AFF2: variants seen among roughly 807,000 people sequenced by gnomAD.
AFF2 encodes the protein ALF transcription elongation factor 2.
AFF2 carries 14 observed loss-of-function variants against 76.9 expected under a neutral mutation model. The observed-to-expected ratio is 0.18, with a 90% confidence interval of 0.12 to 0.28. The LOEUF is 0.28. Ranked by LOEUF, AFF2 falls within the 10% of genes least tolerant of loss-of-function variation. The pLI is 1.00. For synonymous variants in AFF2, 398 were observed against 366.7 expected (o/e 1.09, Z -0.98); for missense variants, 868 against 1,001.1 (o/e 0.87, Z 1.79).
chrX:148,599,337 T>A (rs2124384179), intron 1 of AFF2, among the ~76,000 whole-genome samples: 1 of 112,242 alleles, frequency 8.9e-6, no homozygotes, highest in African/African-American at 3.2e-5. Flanking sequence ...TTCAGGAATT[T>A]TCCTTAACAT....
intron 1 of AFF2, among the ~76,000 whole-genome samples, chrX:148,641,707 T>G (rs2054091129): frequency 9.0e-6 from 1 of 111,002 alleles, no homozygotes; most frequent in Non-Finnish European, 1.9e-5. Flanking sequence ...ACCCCTGAAG[T>G]TTGAATGAAG....
chrX:148,747,242 G>A (rs1323359261), intron 3 of AFF2, among the ~76,000 whole-genome samples: 1 of 111,364 alleles, frequency 9.0e-6, no homozygotes, highest in Non-Finnish European at 1.9e-5. Context: ...TCAGAGCACT[G>A]CTCAAACATC....
chrX:148,979,377 A>G (rs2072365668), intron 18 of AFF2, among the ~76,000 whole-genome samples: 1 of 112,234 alleles, frequency 8.9e-6, no homozygotes. Context: ...CCATAATGCC[A>G]TAAGGCTAGT....
intron 1 of AFF2, among the ~76,000 whole-genome samples, chrX:148,618,894 T>G (rs1047995022): frequency 1.6e-4 from 18 of 110,980 alleles, no homozygotes; most frequent in African/African-American, 5.6e-4. Context: ...CCTTTTGTCT[T>G]GCTCATGACC....
At position 148,991,459 on chromosome X, in the gene AFF2, T is replaced by C; in HGVS notation, c.*127T>C. Reference sequence around the variant, plus strand: ...GGTTATGTTTGTTTTTATGCTTCTTTTGTTATCTGTAAAAAACAGAAGTCA... The same window carrying C: ...GGTTATGTTTGTTTTTATGCTTCTTCTGTTATCTGTAAAAAACAGAAGTCA... On this transcript the variant is annotated 3_prime_UTR_variant, in exon 21 of 21. Coordinates refer to ENST00000370460, the MANE Select transcript of AFF2 (RefSeq NM_002025.4). 1.2e-6 allele frequency: 1 copy of C among 830,088 alleles called. No homozygotes were observed. The highest frequency in any genetic ancestry group is 1.6e-6 in the Non-Finnish European group (1 of 620,489). 68.4% of individuals were successfully genotyped at this position (830,088 alleles called of 1,213,427 possible). A position where few individuals can be genotyped will look rare whatever the true frequency, so the allele number is the denominator to read the frequency against.
intron 1 of AFF2, among the ~76,000 whole-genome samples, chrX:148,555,185 G>A (rs1424699830): frequency 1.8e-5 from 2 of 111,989 alleles, no homozygotes; most frequent in Non-Finnish European, 3.8e-5. Context: ...ACACTCACAT[G>A]TTGTGTAAGC....
At chrX:148,657,039 T>C (rs1412422430) in intron 2 of AFF2, among the ~76,000 whole-genome samples, 11 of 111,621 alleles carry the variant, frequency 9.9e-5, no homozygotes, top group African/African-American at 3.6e-4. Context: ...ATCATAGTAA[T>C]TAATAAGAAT....
At chrX:148,663,268 G>T (rs2054326312) in intron 3 of AFF2, among the ~76,000 whole-genome samples, 1 of 111,929 alleles carries the variant, frequency 8.9e-6, no homozygotes, top group South Asian at 3.7e-4. Flanking sequence ...TTAGTTTCTT[G>T]AGTGATTACA....
At chrX:148,784,164 A>C (rs1557269305) in intron 3 of AFF2, among the ~76,000 whole-genome samples, 1 of 112,125 alleles carries the variant, frequency 8.9e-6, no homozygotes, top group Non-Finnish European at 1.9e-5. Flanking sequence ...AATGCCAGAG[A>C]ACTTGGAAGG....
chrX:148,885,035 A>G (rs1218074651), intron 7 of AFF2, among the ~76,000 whole-genome samples: 3 of 111,831 alleles, frequency 2.7e-5, no homozygotes, highest in African/African-American at 6.5e-5. Context: ...AGTTATATAT[A>G]ATAAATAAAA....
chrX:148,714,108 C>T (rs1246974553), intron 3 of AFF2, among the ~76,000 whole-genome samples: 2 of 112,096 alleles, frequency 1.8e-5, no homozygotes, highest in Non-Finnish European at 3.8e-5. Flanking sequence ...TAAAAAATCT[C>T]CCAGCAATGT....
chrX:148,866,931 C>T lies in AFF2; in HGVS notation c.1263-18958C>T, dbSNP rs73638198. On this transcript the variant is annotated intron_variant, in intron 7 of 20. Transcript: ENST00000370460. ...AGCCCATTTATTTTTCTAGGAAAAC[C>T]GAGGGATTCGATATCCAGAACTAGA... is the stretch of plus-strand genomic sequence containing the variant. Among the ~76,000 whole-genome samples the T allele has an allele frequency of 8.0e-3, 898 of 111,585 alleles. 12 individuals carry two copies. The highest frequency in any genetic ancestry group is 0.028 in the African/African-American group (858 of 30,710).
chrX:148,621,974 T>G (rs782626765), intron 1 of AFF2, among the ~76,000 whole-genome samples: 1 of 112,474 alleles, frequency 8.9e-6, no homozygotes, highest in African/African-American at 3.2e-5. Context: ...AGGACTATAC[T>G]GCTAATTTAA....
chrX:148,752,663 T>C (rs73638186), intron 3 of AFF2, among the ~76,000 whole-genome samples: 3,034 of 111,933 alleles, frequency 0.027, 111 homozygotes, highest in African/African-American at 0.094. Context: ...TGCTGTTTTT[T>C]AATTTAACCT....
At chrX:148,605,041 A>C (rs1218970469) in intron 1 of AFF2, among the ~76,000 whole-genome samples, 1 of 111,865 alleles carries the variant, frequency 8.9e-6, no homozygotes, top group Non-Finnish European at 1.9e-5. Flanking sequence ...GAAAACCTAG[A>C]TAAAATCAAT....
chrX:148,902,012 A>T (rs782176361), intron 8 of AFF2, among the ~76,000 whole-genome samples: 10 of 111,800 alleles, frequency 8.9e-5, no homozygotes, highest in Non-Finnish European at 1.7e-4. Flanking sequence ...ATCAATAGCC[A>T]GGCAACCCAG....
chrX:148,918,460 G>A (rs1224913574), intron 9 of AFF2, among the ~76,000 whole-genome samples: 1 of 111,996 alleles, frequency 8.9e-6, no homozygotes, highest in Non-Finnish European at 1.9e-5. Flanking sequence ...ACTGAGTAGT[G>A]AAGATCTCAT....
intron 2 of AFF2, among the ~76,000 whole-genome samples, chrX:148,659,735 G>A (rs1312846149): frequency 2.7e-5 from 3 of 112,008 alleles, no homozygotes; most frequent in Non-Finnish European, 5.6e-5. Context: ...AGATTGAACA[G>A]GGAGCCTGGT....
intron 9 of AFF2, among the ~76,000 whole-genome samples, chrX:148,912,315 T>G (rs1346689035): frequency 1.8e-5 from 2 of 111,828 alleles, no homozygotes; most frequent in Non-Finnish European, 3.8e-5. Context: ...CCCTGGTGTG[T>G]GTGTTCCCCT....
Sources: gnomAD v4.1 joint callset for allele counts (sites outside exome capture counted in the v4.1 genomes callset) on GRCh38, gnomAD v4.1.1 for gene constraint, MANE v1.5 for transcripts, NCBI Gene and HGNC (gene_info 2026-07-23, HGNC 2026-07-21) for gene names.